KIF26B: variants seen among roughly 807,000 people sequenced by gnomAD.
The protein encoded by KIF26B is kinesin family member 26B.
Under a neutral mutation model 151.2 loss-of-function variants are expected in KIF26B, and 63 were observed. The ratio of observed to expected loss-of-function variants is 0.42; its 90% CI spans 0.34 to 0.51. KIF26B has a LOEUF of 0.51. KIF26B is among the 20% of genes least tolerant of loss of function. The pLI is 0.07. For synonymous variants in KIF26B, 1,357 were observed against 1,262.1 expected, an observed-to-expected ratio of 1.08 and a Z score of -1.59; for missense variants, 2,813 against 2,913.6, an observed-to-expected ratio of 0.97 and a Z score of 0.79.
At chr1:245,433,301 T>TA (rs61267121) in intron 4 of KIF26B, among the ~76,000 whole-genome samples, 23 of 145,114 alleles carry the variant, frequency 1.6e-4, no homozygotes, top group African/African-American at 3.0e-4. Flanking sequence ...CCATCTCTAC[T>TA]AAAAAAAAAA....
intron 4 of KIF26B, among the ~76,000 whole-genome samples, chr1:245,423,804 G>A (rs1221318942): frequency 6.6e-6 from 1 of 152,040 alleles, no homozygotes; most frequent in Non-Finnish European, 1.5e-5. Context: ...TTTTCTCTGT[G>A]ATATTAACCT....
intron 4 of KIF26B, among the ~76,000 whole-genome samples, chr1:245,523,248 A>C (rs551133766): frequency 3.2e-4 from 48 of 152,206 alleles, no homozygotes; most frequent in Non-Finnish European, 5.9e-4. Context: ...CTATATTACT[A>C]AATAAATGCT....
chr1:245,517,105 C>T (rs766804347), intron 4 of KIF26B, among the ~76,000 whole-genome samples: 12 of 152,208 alleles, frequency 7.9e-5, no homozygotes, highest in Admixed American at 2.6e-4. Context: ...GTGGCTCACA[C>T]CTTTAATCCC....
intron 2 of KIF26B, among the ~76,000 whole-genome samples, chr1:245,349,176 A>G (rs1246448527): frequency 6.6e-6 from 1 of 152,266 alleles, no homozygotes; most frequent in Non-Finnish European, 1.5e-5. Context: ...AAGTTGCCAC[A>G]GGGAAGGCAT....
At chr1:245,462,110 G>C (rs1659660822) in intron 4 of KIF26B, among the ~76,000 whole-genome samples, 1 of 152,042 alleles carries the variant, frequency 6.6e-6, no homozygotes, top group Non-Finnish European at 1.5e-5. Flanking sequence ...GCAATGGAGA[G>C]AGACCCTGTC....
At chr1:245,329,267 G>C (rs1277788996) in intron 2 of KIF26B, among the ~76,000 whole-genome samples, 3 of 152,158 alleles carry the variant, frequency 2.0e-5, no homozygotes, top group Non-Finnish European at 4.4e-5. Context: ...GTTCTAACTC[G>C]AGAATTGCCA....
chr1:245,224,797 C>T (rs77622481), intron 2 of KIF26B, among the ~76,000 whole-genome samples: 3,360 of 152,254 alleles, frequency 0.022, 59 homozygotes, highest in Non-Finnish European at 0.033. Flanking sequence ...CCAACTGTGG[C>T]GTAGACCAAT....
intron 5 of KIF26B, among the ~76,000 whole-genome samples, chr1:245,581,438 A>G (rs1481149583): frequency 6.7e-6 from 1 of 150,060 alleles, no homozygotes; most frequent in African/African-American, 2.5e-5. Context: ...GAAATAGAAG[A>G]TAGGTAGATA....
At position 245,700,624 on chromosome 1, in the gene KIF26B, G is replaced by A. The variant is rs544689026; in HGVS notation, c.6178+1587G>A. Among the ~76,000 whole-genome samples the A allele has an allele frequency of 8.5e-5, 13 of 152,080 alleles. No homozygotes were observed. In the East Asian group the frequency reaches 9.7e-4, roughly 11 times the overall value. ...GAGGTTGCAGTGAGCCAGAGATTGC[G>A]CCAGACCCTGTCTCAAAAATAAAAA... On this transcript the variant is annotated intron_variant, in intron 14 of 14. Coordinates refer to ENST00000407071, the MANE Select transcript of KIF26B (RefSeq NM_018012.4).
chr1:245,195,717 G>C (rs932215592), intron 2 of KIF26B, among the ~76,000 whole-genome samples: 1 of 152,170 alleles, frequency 6.6e-6, no homozygotes, highest in Non-Finnish European at 1.5e-5. Flanking sequence ...GCCAAACACC[G>C]AAAGAGCTAT....
intron 4 of KIF26B, among the ~76,000 whole-genome samples, chr1:245,438,478 A>G (rs183122800): frequency 6.6e-6 from 1 of 152,322 alleles, no homozygotes; most frequent in Admixed American, 6.5e-5. Flanking sequence ...TGAAAGTGTC[A>G]TGCCAGAAGC....
At position 245,632,026 on chromosome 1, in the gene KIF26B, G is replaced by T. The variant is rs186426637; in HGVS notation, c.2099-14095G>T. 8.7e-3 allele frequency among the ~76,000 whole-genome samples: 1,319 copies of T among 151,180 alleles called. 10 individuals are homozygous for T. The highest frequency in any genetic ancestry group is 0.014 in the Non-Finnish European group (968 of 67,710). On this transcript the variant is annotated intron_variant, in intron 9 of 14. Coordinates refer to ENST00000407071, the MANE Select transcript of KIF26B (RefSeq NM_018012.4). ...ATTTTCTTGATCCTTTGTAATTTTT[G>T]TGTGTGTGTGTGTTTATTTCGTCTC...
intron 2 of KIF26B, among the ~76,000 whole-genome samples, chr1:245,337,977 C>G (rs1450460304): frequency 1.3e-5 from 2 of 152,170 alleles, no homozygotes; most frequent in Non-Finnish European, 2.9e-5. Flanking sequence ...AAAGCGACAG[C>G]TAACAGCTTG....
At chr1:245,331,363 A>G (rs140214346) in intron 2 of KIF26B, among the ~76,000 whole-genome samples, 207 of 152,306 alleles carry the variant, frequency 1.4e-3, no homozygotes, top group African/African-American at 4.8e-3. Context: ...CTTTCTTCAT[A>G]TTTAAACCAG....
At chr1:245,604,522 T>G (rs1350829791) in intron 6 of KIF26B, among the ~76,000 whole-genome samples, 1 of 152,232 alleles carries the variant, frequency 6.6e-6, no homozygotes, top group Non-Finnish European at 1.5e-5. Context: ...CTCAGTAATT[T>G]AAACCTGACG....
At position 245,208,155 on chromosome 1, in the gene KIF26B, T is replaced by C. The variant is rs565983680; in HGVS notation, c.465+51472T>C. Among the ~76,000 whole-genome samples the C allele has an allele frequency of 9.2e-5, 14 of 152,338 alleles. No individual in the cohort carries two copies. The South Asian group carries it at 2.9e-3, about 32-fold the overall frequency. On this transcript the variant is annotated intron_variant, in intron 2 of 14. Transcript: ENST00000407071. ...TGTGCCAGGGAAATTTTCTTGGCAA[T>C]TGAAACCAAAGCGATAGGCTGGCAG...
At chr1:245,173,841 C>A (rs934736823) in intron 2 of KIF26B, among the ~76,000 whole-genome samples, 3 of 152,262 alleles carry the variant, frequency 2.0e-5, no homozygotes, top group African/African-American at 7.2e-5. Context: ...CTTAGCTCCT[C>A]CCTCTGCATT....
chr1:245,686,475 C>T lies in KIF26B; in HGVS notation c.3492C>T (p.Ser1164=). 6.2e-7 allele frequency: 1 copy of T among 1,613,130 alleles called. No individual in the cohort carries two copies. Among genetic ancestry groups the T allele is most frequent in the Non-Finnish European group, 8.5e-7 (1 of 1,179,864 alleles). ...AGCAGGCAGCTACTCCTTCAGAGTC[C>T]AAGAAGGAGATCCTGAGCACCACGA... ...DEQQAATPSE[S]KKEILSTTMV... is the part of the protein sequence containing the mutation. Residue 1164 remains serine (S), a synonymous_variant, in exon 12 of 15, where the codon TCC becomes TCT. Transcript: ENST00000407071. The surrounding 1 kb of genome is among the most constrained non-coding windows in gnomAD (Gnocchi z 5.6).
intron 5 of KIF26B, among the ~76,000 whole-genome samples, chr1:245,583,113 T>A (rs2043191738): frequency 6.6e-6 from 1 of 152,150 alleles, no homozygotes; most frequent in African/African-American, 2.4e-5. Flanking sequence ...TCGATCTAAT[T>A]TGTCATTATT....
Sources: allele counts gnomAD v4.1 joint callset (sites outside exome capture counted in the v4.1 genomes callset), GRCh38; gene constraint gnomAD v4.1.1; non-coding constraint Gnocchi (gnomAD v3.1); transcripts MANE v1.5; gene names NCBI Gene and HGNC (gene_info 2026-07-23, HGNC 2026-07-21).